KIF11: variants seen among roughly 807,000 people sequenced by gnomAD.
KIF11 encodes kinesin family member 11.
In KIF11, 9 loss-of-function variants were observed where a neutral mutation model predicts 121.0. The ratio of observed to expected loss-of-function variants is 0.07; its 90% CI spans 0.04 to 0.13. KIF11 has a LOEUF of 0.13. KIF11 is among the 10% of genes least tolerant of loss of function. KIF11 has a pLI of 1.00. For synonymous variants in KIF11, 408 were observed against 421.0 expected (o/e 0.97, Z 0.38); for missense variants, 846 against 1,217.5 (o/e 0.69, Z 4.54).
chr10:92,612,942 CAT>C (rs1353231595), intron 6 of KIF11, 96 bp from the exon 7 acceptor site: 18 of 661,486 alleles, frequency 2.7e-5, no homozygotes, highest in African/African-American at 5.5e-5. Context: ...TTTCTCTACT[CAT>C]GTGGATTTAG....
chr10:92,652,092 T>C (rs1844993103), intron 21 of KIF11, among the ~76,000 whole-genome samples: 1 of 151,170 alleles, frequency 6.6e-6, no homozygotes, highest in African/African-American at 2.4e-5. Flanking sequence ...ATTACAGGCA[T>C]GAACCACTGC....
chr10:92,607,784 G>C (rs1351956770), intron 4 of KIF11, among the ~76,000 whole-genome samples: 1 of 152,144 alleles, frequency 6.6e-6, no homozygotes, highest in Non-Finnish European at 1.5e-5. Context: ...AGTTGAACTA[G>C]AGCTGAAGTG....
In KIF11 at chr10:92,653,955, G is replaced by A. The variant is rs528294587; in HGVS notation, c.*159G>A. On this transcript the variant is annotated 3_prime_UTR_variant, in exon 22 of 22. Coordinates refer to ENST00000260731, the MANE Select transcript of KIF11 (RefSeq NM_004523.4). ...TCCCAGCACTTTGGGAGGCTGAGGC[G>A]GGTGGATTGCTTGAGCCCAGGAGTT... The A allele has an allele frequency of 2.9e-5, 15 of 517,190 alleles. No homozygotes were observed. The highest frequency in any genetic ancestry group is 1.5e-4 in the East Asian group (4 of 26,598). 32.0% of individuals were successfully genotyped at this position (517,190 alleles called of 1,614,324 possible).
At chr10:92,650,115 C>T in intron 20 of KIF11, 129 bp downstream of exon 20, 1 of 676,080 alleles carries the variant, frequency 1.5e-6, no homozygotes, top group Non-Finnish European at 2.5e-6. Flanking sequence ...TAGGCCTAGC[C>T]CTTAGGCTTG....
chr10:92,636,538 C>T (rs1844799093), intron 14 of KIF11, among the ~76,000 whole-genome samples: 1 of 151,904 alleles, frequency 6.6e-6, no homozygotes, highest in African/African-American at 2.4e-5. Flanking sequence ...ATCGCTTGAA[C>T]CCAGGAGGCG....
At chr10:92,625,208 T>TA (rs1376989862) in intron 10 of KIF11, among the ~76,000 whole-genome samples, 1 of 152,236 alleles carries the variant, frequency 6.6e-6, no homozygotes, top group Non-Finnish European at 1.5e-5. Context: ...TTTTTAATAA[T>TA]AGCCATTCTG....
intron 1 of KIF11, among the ~76,000 whole-genome samples, chr10:92,602,824 A>C (rs7095250): frequency 1.3e-5 from 1 of 74,396 alleles, no homozygotes. Flanking sequence ...ACACACACAC[A>C]CGTGTGTGTG....
At chr10:92,647,979 C>T (rs964299761) in intron 18 of KIF11, among the ~76,000 whole-genome samples, 3 of 151,852 alleles carry the variant, frequency 2.0e-5, no homozygotes, top group Non-Finnish European at 4.4e-5. Flanking sequence ...CATGGTGGTA[C>T]ATGCCTGTAG....
Position 92,653,880 on chromosome 10 carries a change from A to C in KIF11, c.*84A>C. On this transcript the variant is annotated 3_prime_UTR_variant, in exon 22 of 22. Transcript: ENST00000260731. ...CCCAGAACTTGAGCCTTGTGTATAG[A>C]TTTTAAAAGAATATATATATCAGCC... The C allele has an allele frequency of 7.9e-7, 1 of 1,265,660 alleles. No individual in the cohort carries two copies. Among genetic ancestry groups the C allele is most frequent in the Non-Finnish European group, 1.1e-6 (1 of 906,982 alleles). The allele number at this position is 1,265,660 out of a possible 1,614,324, so 78.4% of individuals were successfully genotyped here.
At chr10:92,622,302 A>G (rs759939536) in intron 10 of KIF11, among the ~76,000 whole-genome samples, 1 of 151,268 alleles carries the variant, frequency 6.6e-6, no homozygotes, top group Non-Finnish European at 1.5e-5. Context: ...ATAATAGATA[A>G]ATAAAAAATA....
Position 92,609,526 on chromosome 10 carries a change from C to T in KIF11, c.698+17C>T, listed in dbSNP as rs1844472286. ...ATACTCTAGGTAAGAAAGCCATAGT[C>T]TCTTCCCTAGCCCCATTTTCTTTTA... On this transcript the variant is annotated intron_variant, in intron 6 of 21. Transcript: ENST00000260731. 1.3e-6 allele frequency: 2 copies of T among 1,592,710 alleles called. No homozygotes were observed. Among genetic ancestry groups the T allele is most frequent in the African/African-American group, 2.7e-5 (2 of 73,452 alleles).
intron 10 of KIF11, among the ~76,000 whole-genome samples, chr10:92,621,853 C>A (rs895923881): frequency 6.9e-6 from 1 of 144,272 alleles, no homozygotes; most frequent in Non-Finnish European, 1.5e-5. Context: ...AGCTATCAAA[C>A]ACTTTTTAAA....
intron 14 of KIF11, 125 bp from the exon 15 acceptor site, chr10:92,637,052 AAGAATGG>A (rs1468039511): frequency 2.8e-6 from 2 of 712,710 alleles, no homozygotes; most frequent in African/African-American, 1.9e-5. Context: ...AAAAAAAAAA[AAGAATGG>A]AGAATGGAAA....
In KIF11 at chr10:92,606,035, G is replaced by C. The variant is rs927671500; in HGVS notation, c.78-230G>C. Among the ~76,000 whole-genome samples the C allele has an allele frequency of 2.0e-5, 3 of 152,250 alleles. No individual in the cohort carries two copies. The East Asian group carries it at 5.8e-4, about 29-fold the overall frequency. On this transcript the variant is annotated intron_variant, in intron 1 of 21. Transcript: ENST00000260731. ...TCTGCTCTAAGAAGCTGCCAGAATT[G>C]TAATGTCTTAACATATCTTTGAACA... is the stretch of plus-strand genomic sequence containing the variant.
intron 9 of KIF11, among the ~76,000 whole-genome samples, chr10:92,618,213 C>G (rs1844579472): frequency 6.6e-6 from 1 of 151,004 alleles, no homozygotes; most frequent in Non-Finnish European, 1.5e-5. Flanking sequence ...AGATACAAGC[C>G]CTTAATGAGA....
chr10:92,612,164 C>T (rs1844504809), intron 6 of KIF11, among the ~76,000 whole-genome samples: 1 of 151,078 alleles, frequency 6.6e-6, no homozygotes, highest in African/African-American at 2.4e-5. Context: ...GAGACAGCGT[C>T]TCACTTTGTC....
At chr10:92,614,100 C>CTTT (rs2135905585) in intron 8 of KIF11, among the ~76,000 whole-genome samples, 1 of 130,108 alleles carries the variant, frequency 7.7e-6, no homozygotes, top group African/African-American at 3.6e-5. Flanking sequence ...TTAGTAGCTT[C>CTTT]ATTTTTTTTT....
At chr10:92,609,299 AGAGAGTGTGTGTGTGTGT>A (rs1291350620) in intron 5 of KIF11, 68 bp from the exon 6 acceptor site, 181 of 714,846 alleles carry the variant, frequency 2.5e-4, no homozygotes, top group African/African-American at 2.2e-3. Context: ...AGAGAGAGAG[AGAGAGTGTGTGTGTGTGT>A]GTGTGTGTGT....
Position 92,653,903 on chromosome 10 carries a change from G to A in KIF11, c.*107G>A. On this transcript the variant is annotated 3_prime_UTR_variant, in exon 22 of 22. Transcript: ENST00000260731. ...AGATTTTAAAAGAATATATATATCA[G>A]CCGGGCGCGGTGGCTCATGCCTGTA... 1 of 994,420 alleles carries A rather than the reference G, an allele frequency of 1.0e-6. No homozygotes were observed. Among genetic ancestry groups the A allele is most frequent in the Non-Finnish European group, 1.4e-6 (1 of 692,690 alleles). 61.6% of individuals were successfully genotyped at this position (994,420 alleles called of 1,614,324 possible). A position where few individuals can be genotyped will look rare whatever the true frequency, so the allele number is the denominator to read the frequency against.
Sources: allele counts gnomAD v4.1 joint callset (sites outside exome capture counted in the v4.1 genomes callset), GRCh38; gene constraint gnomAD v4.1.1; transcripts MANE v1.5; gene names NCBI Gene and HGNC (gene_info 2026-07-23, HGNC 2026-07-21).